The following KDM2A variants were observed in gnomAD, a reference collection of about 807,000 sequenced individuals.
KDM2A encodes the protein lysine-specific demethylase 2A.
A neutral mutation model predicts 137.3 loss-of-function variants in KDM2A; 3 were observed. The ratio of observed to expected loss-of-function variants is 0.02; its 90% CI spans 0.01 to 0.06. KDM2A has a LOEUF of 0.06. KDM2A is among the 10% of genes least tolerant of loss of function. The pLI is 1.00. For synonymous variants in KDM2A, 512 were observed against 541.5 expected (o/e 0.95, Z 0.76); for missense variants, 738 against 1,510.6 (o/e 0.49, Z 8.48).
intron 12 of KDM2A, among the ~76,000 whole-genome samples, chr11:67,235,212 G>A (rs1182852743): frequency 4.6e-5 from 7 of 151,702 alleles, no homozygotes; most frequent in South Asian, 2.1e-4. Flanking sequence ...AGCTATCAGC[G>A]TGTGTATGAG....
chr11:67,188,874 T>TA (rs1857275274), intron 5 of KDM2A, among the ~76,000 whole-genome samples: 1 of 151,676 alleles, frequency 6.6e-6, no homozygotes, highest in Non-Finnish European at 1.5e-5. Flanking sequence ...ATATAACAAT[T>TA]ACAAACATTT....
In KDM2A at chr11:67,248,295, G is replaced by A. The variant is rs1442574449; in HGVS notation, c.1980G>A (p.Gly660=). The A allele has an allele frequency of 3.1e-6, 5 of 1,607,134 alleles. No individual in the cohort carries two copies. In the South Asian group the frequency reaches 4.5e-5, roughly 14 times the overall value. The change falls in exon 16 of 21, where the codon GGG becomes GGA. Residue 660 remains glycine, a synonymous_variant. Coordinates refer to ENST00000529006, the MANE Select transcript of KDM2A (RefSeq NM_012308.3). ...HPGCLQMDGE[G]LLNEELPNCW... is the part of the protein sequence containing the mutation. Reference sequence around the variant, plus strand: ...TCTTCCTATAGATGGACGGAGAGGGGTTGCTTAACGAAGAATTGCCAAATT... The same window carrying A: ...TCTTCCTATAGATGGACGGAGAGGGATTGCTTAACGAAGAATTGCCAAATT...
In KDM2A at chr11:67,141,680, AAAATATATAT is replaced by A. The variant is rs1490008378; in HGVS notation, c.42+20324_42+20333del. ...AGACTCGTTCCAAAAAAAAAAAAAA[AAAATATATAT>A]ATATATATATATATATAAAATTCAT... On this transcript the variant is annotated intron_variant, in intron 2 of 20. Coordinates refer to ENST00000529006, the MANE Select transcript of KDM2A (RefSeq NM_012308.3). Among the ~76,000 whole-genome samples the A allele has an allele frequency of 1.3e-3, 102 of 76,640 alleles. 1 individual carries two copies. The highest frequency in any genetic ancestry group is 6.7e-3 in the African/African-American group (100 of 14,900). The allele number at this position is 76,640 out of a possible 152,430, so 50.3% of individuals were successfully genotyped here. A position where few individuals can be genotyped will look rare whatever the true frequency, so the allele number is the denominator to read the frequency against.
At chr11:67,134,500 TTTTA>T (rs1190219817) in intron 2 of KDM2A, among the ~76,000 whole-genome samples, 4 of 152,104 alleles carry the variant, frequency 2.6e-5, no homozygotes, top group Admixed American at 2.6e-4. Flanking sequence ...TTTTTTAAAG[TTTTA>T]TTTATTTATT....
At position 67,139,704 on chromosome 11, in the gene KDM2A, A is replaced by G. The variant is rs571894747; in HGVS notation, c.42+18346A>G. On this transcript the variant is annotated intron_variant, in intron 2 of 20. Coordinates refer to ENST00000529006, the MANE Select transcript of KDM2A (RefSeq NM_012308.3). Reference sequence around the variant, plus strand: ...CAAAGGTTGCAAGGTTGCTGCTGCTATTTTTTTTTTTAATTTATTTTTTGA... The same window carrying G: ...CAAAGGTTGCAAGGTTGCTGCTGCTGTTTTTTTTTTTAATTTATTTTTTGA... Among the ~76,000 whole-genome samples, 6 of 143,210 alleles carry G rather than the reference A, an allele frequency of 4.2e-5. No individual in the cohort carries two copies. In the East Asian group the frequency reaches 1.2e-3, roughly 29 times the overall value. 94.0% of individuals were successfully genotyped at this position (143,210 alleles called of 152,430 possible).
chr11:67,168,295 T>C (rs992184107), intron 2 of KDM2A, among the ~76,000 whole-genome samples: 6 of 152,128 alleles, frequency 3.9e-5, no homozygotes, highest in African/African-American at 1.4e-4. Context: ...ATTTTTCTTA[T>C]GTGGCTTCTT....
intron 2 of KDM2A, among the ~76,000 whole-genome samples, chr11:67,146,874 A>T (rs559723486): frequency 2.0e-5 from 3 of 152,062 alleles, no homozygotes; most frequent in Non-Finnish European, 4.4e-5. Context: ...TTATCTATTT[A>T]TTATTCCTTA....
chr11:67,161,945 A>G lies in KDM2A; in HGVS notation c.43-18134A>G, dbSNP rs1416613017. On this transcript the variant is annotated intron_variant, in intron 2 of 20. Coordinates refer to ENST00000529006, the MANE Select transcript of KDM2A (RefSeq NM_012308.3). ...TTAATATATAAATAGATGCTTTTTC[A>G]GAGATTCAACTCAGTTTTCAGTATT... Among the ~76,000 whole-genome samples, 4 of 152,128 alleles carry G rather than the reference A, an allele frequency of 2.6e-5. No homozygotes were observed. In the East Asian group the frequency reaches 7.7e-4, roughly 29 times the overall value.
intron 12 of KDM2A, among the ~76,000 whole-genome samples, chr11:67,235,596 C>T (rs190588761): frequency 1.2e-3 from 188 of 150,642 alleles, no homozygotes; most frequent in African/African-American, 4.2e-3. Flanking sequence ...ACACCGCGCC[C>T]GGCTGCTTTT....
At chr11:67,246,670 C>A (rs532614538) in intron 15 of KDM2A, among the ~76,000 whole-genome samples, 4 of 152,046 alleles carry the variant, frequency 2.6e-5, no homozygotes, top group South Asian at 2.1e-4. Flanking sequence ...CCTACTGATC[C>A]GAATTGTGCA....
chr11:67,171,894 C>G (rs942836642), intron 2 of KDM2A, among the ~76,000 whole-genome samples: 2 of 152,224 alleles, frequency 1.3e-5, no homozygotes, highest in African/African-American at 4.8e-5. Flanking sequence ...TTCCATCAAT[C>G]TATATGTTTC....
chr11:67,251,453 T>G (rs1859425486), intron 17 of KDM2A, among the ~76,000 whole-genome samples: 2 of 152,250 alleles, frequency 1.3e-5, no homozygotes, highest in South Asian at 4.1e-4. Context: ...AACAAGGAGC[T>G]TCCCATTGGG....
chr11:67,148,592 G>T (rs1202736004), intron 2 of KDM2A, among the ~76,000 whole-genome samples: 1 of 152,062 alleles, frequency 6.6e-6, no homozygotes, highest in Non-Finnish European at 1.5e-5. Flanking sequence ...CCTGAGGTCA[G>T]GAGTTTGAGA....
chr11:67,241,605 C>T (rs1473710878), intron 12 of KDM2A, among the ~76,000 whole-genome samples: 2 of 152,060 alleles, frequency 1.3e-5, no homozygotes, highest in Admixed American at 6.5e-5. Context: ...TAGTGTTTGC[C>T]GAAACAGTTA....
rs1859524568 is a variant in KDM2A at position 67,254,090 on chromosome 11, T to C, written c.3092-113T>C. On this transcript the variant is annotated intron_variant, in intron 19 of 20. Transcript: ENST00000529006. The surrounding 1 kb of genome is among the most constrained non-coding windows in gnomAD (Gnocchi z 4.7). ...AGGCATGGCTGGGTGTGGGCAGTTC[T>C]ACTTAACCCCTTCAAGGGGGCCTGG... 6.9e-6 allele frequency: 6 copies of C among 870,162 alleles called. No homozygotes were observed. Among genetic ancestry groups the C allele is most frequent in the Non-Finnish European group, 1.1e-5 (6 of 570,122 alleles). The allele number at this position is 870,162 out of a possible 1,614,324, so 53.9% of individuals were successfully genotyped here.
chr11:67,234,946 A>G (rs573680353), intron 12 of KDM2A, among the ~76,000 whole-genome samples: 1 of 152,026 alleles, frequency 6.6e-6, no homozygotes, highest in Non-Finnish European at 1.5e-5. Flanking sequence ...GGAGATCAAG[A>G]CCATCCTTGC....
intron 12 of KDM2A, among the ~76,000 whole-genome samples, chr11:67,241,489 G>A (rs1859040461): frequency 6.6e-6 from 1 of 152,042 alleles, no homozygotes; most frequent in Non-Finnish European, 1.5e-5. Context: ...CTTAGGTTAA[G>A]AATGAAAATA....
intron 2 of KDM2A, among the ~76,000 whole-genome samples, chr11:67,170,036 G>T (rs1449348690): frequency 6.6e-6 from 1 of 152,052 alleles, no homozygotes; most frequent in Non-Finnish European, 1.5e-5. Flanking sequence ...GATTACTGGC[G>T]TGAGTCACCA....
chr11:67,141,648 CAG>C (rs1856100406), intron 2 of KDM2A, among the ~76,000 whole-genome samples: 1 of 103,222 alleles, frequency 9.7e-6, no homozygotes, highest in Admixed American at 1.5e-4. Flanking sequence ...GCCTGGGCGA[CAG>C]AATGAGACTC....
Sources: allele counts gnomAD v4.1 joint callset (sites outside exome capture counted in the v4.1 genomes callset), GRCh38; gene constraint gnomAD v4.1.1; non-coding constraint Gnocchi (gnomAD v3.1); transcripts MANE v1.5; gene names NCBI Gene and HGNC (gene_info 2026-07-23, HGNC 2026-07-21).